Variants in ELAVL4 observed in about 807,000 individuals in gnomAD.
The protein encoded by ELAVL4 is ELAV like RNA binding protein 4, also known as ELAV-like protein 4.
ELAVL4 carries 1 observed loss-of-function variant against 35.6 expected under a neutral mutation model. The observed-to-expected ratio is 0.03, with a 90% CI of 0.01 to 0.13. The LOEUF (loss-of-function observed/expected upper bound fraction) is 0.13, where lower values mean the gene tolerates loss of function less well. ELAVL4 is among the 10% of genes least tolerant of loss of function. The pLI is 1.00. For missense variants in ELAVL4, 267 were observed against 464.9 expected, an observed-to-expected ratio of 0.57 and a Z score of 3.91; for synonymous variants, 156 against 171.0, an observed-to-expected ratio of 0.91 and a Z score of 0.69.
intron 2 of ELAVL4, among the ~76,000 whole-genome samples, chr1:50,148,364 T>C (rs1191737968): frequency 6.6e-6 from 1 of 152,200 alleles, no homozygotes; most frequent in East Asian, 1.9e-4. Context: ...TAATGTACCA[T>C]GGCTTTAAAC....
At chr1:50,195,298 G>A (rs1039166848) in intron 4 of ELAVL4, among the ~76,000 whole-genome samples, 2 of 152,172 alleles carry the variant, frequency 1.3e-5, no homozygotes, top group African/African-American at 4.8e-5. Flanking sequence ...TGATGATGGG[G>A]CAGAGCAGTG....
chr1:50,109,498 G>A, intron 1 of ELAVL4: 1 of 386,428 alleles, frequency 2.6e-6, no homozygotes, highest in Non-Finnish European at 4.6e-6. Flanking sequence ...TATTACTTGA[G>A]ACATAATGGC....
intron 1 of ELAVL4, among the ~76,000 whole-genome samples, chr1:50,083,743 G>A (rs930149233): frequency 6.6e-6 from 1 of 152,184 alleles, no homozygotes; most frequent in African/African-American, 2.4e-5. Context: ...TATTGAAATA[G>A]AAAGGAAAAG....
At chr1:50,101,469 C>G (rs1224673407), upstream of ELAVL4, among the ~76,000 whole-genome samples, 1 of 152,078 alleles carries the variant, frequency 6.6e-6, no homozygotes, top group Non-Finnish European at 1.5e-5. Flanking sequence ...ACAAAGAAAT[C>G]TTTTTAAGAA....
intron 1 of ELAVL4, among the ~76,000 whole-genome samples, chr1:50,097,480 A>T (rs1312400811): frequency 1.3e-5 from 2 of 152,198 alleles, no homozygotes; most frequent in African/African-American, 4.8e-5. Context: ...ATCTAGTTTC[A>T]TTTCTTATTT....
intron 1 of ELAVL4, 151 bp downstream of exon 1, chr1:50,109,349 G>A (rs1239767151): frequency 2.6e-6 from 2 of 758,346 alleles, no homozygotes; most frequent in Non-Finnish European, 4.2e-6. Flanking sequence ...TAGAGAGTGC[G>A]GGTAGGTCCT....
chr1:50,048,141 G>A lies in ELAVL4; in HGVS notation c.-24G>A, dbSNP rs952075182. On this transcript the variant is annotated 5_prime_UTR_variant, in exon 1 of 7. Transcript: ENST00000448907. ...CGCCCCACCCAGCCTCCGCAGCCTCGGGCCGGATCGCCCGGCGGGGAAGAT... is the reference window on the plus strand; with the variant it reads ...CGCCCCACCCAGCCTCCGCAGCCTCAGGCCGGATCGCCCGGCGGGGAAGAT... The A allele has an allele frequency of 5.3e-6, 8 of 1,517,856 alleles. No homozygotes were observed. In the Admixed American group the frequency reaches 1.0e-4, roughly 19 times the overall value. 94.0% of individuals were successfully genotyped at this position (1,517,856 alleles called of 1,614,324 possible).
At chr1:50,176,956 C>A in intron 2 of ELAVL4, 133 bp from the exon 3 acceptor site, 1 of 671,690 alleles carries the variant, frequency 1.5e-6, no homozygotes, top group Non-Finnish European at 2.5e-6. Flanking sequence ...GAACTGTATA[C>A]CAAAGGAGAG....
chr1:50,063,877 C>A (rs1416111668), intron 1 of ELAVL4, among the ~76,000 whole-genome samples: 1 of 152,218 alleles, frequency 6.6e-6, no homozygotes, highest in Non-Finnish European at 1.5e-5. Context: ...CTGTATCAGC[C>A]TCTTTCCTCA....
rs193204230 is a variant in ELAVL4 at position 50,095,795 on chromosome 1, G to A, written c.18+47613G>A. The stretch of plus-strand genomic sequence containing the variant: ...GAAGCACAAATTCAGGGGGCAAACC[G>A]TCACATTATTCACCAAATAAGGTTG... On this transcript the variant is annotated intron_variant, in intron 1 of 6. Transcript: ENST00000448907. Among the ~76,000 whole-genome samples the A allele has an allele frequency of 3.6e-3, 552 of 152,222 alleles. 6 individuals are homozygous for A. Among genetic ancestry groups the A allele is most frequent in the Non-Finnish European group, 1.9e-3 (132 of 68,008 alleles).
At chr1:50,094,470 A>T (rs903507874) in intron 1 of ELAVL4, among the ~76,000 whole-genome samples, 3 of 152,240 alleles carry the variant, frequency 2.0e-5, no homozygotes, top group African/African-American at 7.2e-5. Flanking sequence ...AACTGAAGGT[A>T]AAGATACGTT....
At chr1:50,199,033 A>G (rs987842721) in intron 6 of ELAVL4, among the ~76,000 whole-genome samples, 3 of 152,166 alleles carry the variant, frequency 2.0e-5, no homozygotes, top group Admixed American at 2.0e-4. Flanking sequence ...TTAAAAAGAC[A>G]ATCTTCAGAA....
At chr1:50,138,771 G>A (rs1406965216) in intron 1 of ELAVL4, among the ~76,000 whole-genome samples, 2 of 152,076 alleles carry the variant, frequency 1.3e-5, no homozygotes, top group Non-Finnish European at 2.9e-5. Flanking sequence ...TGGCTAATGA[G>A]TGCTTCTTAA....
In ELAVL4 at chr1:50,171,421, A is replaced by G. The variant is rs544556165; in HGVS notation, c.251-5668A>G. Among the ~76,000 whole-genome samples the G allele has an allele frequency of 8.1e-4, 123 of 152,322 alleles. 2 individuals are homozygous for G. Among genetic ancestry groups the G allele is most frequent in the South Asian group, 7.5e-3 (36 of 4,832 alleles). ...CAGAGCCTACTTGCTGGTTGACTTC[A>G]GACAGATTATTTAACATTTCTCAAG... On this transcript the variant is annotated intron_variant, in intron 2 of 6. Transcript: ENST00000371824.
At chr1:50,072,991 AC>A (rs752102579) in intron 1 of ELAVL4, among the ~76,000 whole-genome samples, 81 of 152,140 alleles carry the variant, frequency 5.3e-4, no homozygotes, top group Non-Finnish European at 9.7e-4. Context: ...CCCCATCTAT[AC>A]CCAGTTTCAC....
chr1:50,200,800 C>T (rs1293939811), intron 6 of ELAVL4, 51 bp from the exon 7 acceptor site: 1 of 1,589,072 alleles, frequency 6.3e-7, no homozygotes, highest in Non-Finnish European at 8.6e-7. Flanking sequence ...GTGTGTTATC[C>T]TTGGTCAGAC....
chr1:50,182,842 C>T (rs1272513417), intron 3 of ELAVL4, among the ~76,000 whole-genome samples: 1 of 151,796 alleles, frequency 6.6e-6, no homozygotes, highest in African/African-American at 2.4e-5. Context: ...ACAGTGTTAA[C>T]ATTTTTATAT....
rs575537917 is a variant in ELAVL4 at position 50,203,037 on chromosome 1, C to T, written c.*1859C>T. On this transcript the variant is annotated 3_prime_UTR_variant, in exon 7 of 7. Transcript: ENST00000371824. Reference sequence around the variant, plus strand: ...TACGGTTATATATTTAAAACGAAAACAAAACAAAAAAATACAAGGGTTCAT... The same window carrying T: ...TACGGTTATATATTTAAAACGAAAATAAAACAAAAAAATACAAGGGTTCAT... 3.9e-5 allele frequency: 6 copies of T among 151,950 alleles called. No individual in the cohort carries two copies. Among genetic ancestry groups the T allele is most frequent in the African/African-American group, 1.4e-4 (6 of 41,472 alleles). 9.4% of individuals were successfully genotyped at this position (151,950 alleles called of 1,614,324 possible). A position where few individuals can be genotyped will look rare whatever the true frequency, so the allele number is the denominator to read the frequency against.
chr1:50,065,810 C>G (rs1664230992), intron 1 of ELAVL4, among the ~76,000 whole-genome samples: 1 of 152,144 alleles, frequency 6.6e-6, no homozygotes, highest in Non-Finnish European at 1.5e-5. Context: ...TGACCAGGTT[C>G]TTTCACATGT....
Sources: gnomAD v4.1 joint callset for allele counts (sites outside exome capture counted in the v4.1 genomes callset) on GRCh38, gnomAD v4.1.1 for gene constraint, MANE v1.5 for transcripts, NCBI Gene and HGNC (gene_info 2026-07-23, HGNC 2026-07-21) for gene names.